ACCS: variants seen among roughly 807,000 people sequenced by gnomAD.
ACCS encodes the protein 1-aminocyclopropane-1-carboxylate synthase-like protein 1.
A neutral mutation model predicts 59.8 loss-of-function variants in ACCS; 42 were observed. The observed-to-expected ratio is 0.70, with a 90% CI of 0.55 to 0.91. The LOEUF (loss-of-function observed/expected upper bound fraction) is 0.91, where lower values mean the gene tolerates loss of function less well. ACCS is among the 40% of genes least tolerant of loss of function. ACCS has a pLI of 0.00. For missense variants in ACCS, 602 were observed against 630.4 expected (o/e 0.95, Z 0.48); for synonymous variants, 230 against 240.3 (o/e 0.96, Z 0.40).
rs546146853 is a variant in ACCS at position 44,083,847 on chromosome 11, T to C, written c.*55T>C. ...CAGCAGCCACTGTGGACCTGGGGCGTTCTGGGGCTGCAGAAGACTGACTGT... is the reference window on the plus strand; with the variant it reads ...CAGCAGCCACTGTGGACCTGGGGCGCTCTGGGGCTGCAGAAGACTGACTGT... On this transcript the variant is annotated 3_prime_UTR_variant, in exon 15 of 15. Transcript: ENST00000263776. The C allele has an allele frequency of 5.1e-6, 8 of 1,554,038 alleles. No homozygotes were observed. The East Asian group carries it at 1.7e-4, about 33-fold the overall frequency.
chr11:44,071,115 G>A, intron 2 of ACCS, 141 bp from the exon 3 acceptor site: 1 of 840,000 alleles, frequency 1.2e-6, no homozygotes, highest in Non-Finnish European at 2.0e-6. Flanking sequence ...GGCACACCTT[G>A]AGCAAAGGCA....
intron 11 of ACCS, 56 bp from the exon 12 acceptor site, chr11:44,081,123 G>A: frequency 6.2e-7 from 1 of 1,614,202 alleles, no homozygotes; most frequent in Admixed American, 1.7e-5. Flanking sequence ...AGAGGTGGGT[G>A]GAACCAGCTT....
intron 6 of ACCS, 128 bp downstream of exon 6, chr11:44,075,720 G>C: frequency 8.8e-7 from 1 of 1,137,710 alleles, no homozygotes; most frequent in Non-Finnish European, 1.2e-6. Context: ...ACTGCAGGGG[G>C]CTTGAATAAG....
In ACCS at chr11:44,071,293, G is replaced by A. The variant is rs923602239; in HGVS notation, c.326G>A (p.Cys109Tyr). The change falls in exon 3 of 15, where the codon TGC becomes TAC. Residue 109 changes from cysteine (C) to tyrosine (Y), a missense_variant. By Grantham distance (194) the Cys-to-Tyr change is radical. Coordinates refer to ENST00000263776, the MANE Select transcript of ACCS (RefSeq NM_032592.4). ...INLGTSENKL[C>Y]FDLLSWRLSQ... ...TTGGGCACCAGTGAGAACAAACTCT[G>A]CTTTGACCTGCTGTCCTGGCGGGTA... 1.2e-6 allele frequency: 2 copies of A among 1,614,074 alleles called. No individual in the cohort carries two copies. Among genetic ancestry groups the A allele is most frequent in the South Asian group, 2.2e-5 (2 of 91,072 alleles).
At position 44,081,317 on chromosome 11, in the gene ACCS, CGTGGTGACT is replaced by C; in HGVS notation, c.1110_1111+7del. ...CCAGATGGCACAGCTGCTCCGGGAC[CGTGGTGACT>C]GCCTGGGCCTGGTGACCTGAAAATG... On this transcript the variant is annotated splice_donor_variant and splice_donor_5th_base_variant and coding_sequence_variant and intron_variant, in exon 12 of 15. Coordinates refer to ENST00000263776, the MANE Select transcript of ACCS (RefSeq NM_032592.4). LOFTEE classifies it high-confidence loss of function. 6.2e-7 allele frequency: 1 copy of C among 1,613,596 alleles called. No homozygotes were observed. The highest frequency in any genetic ancestry group is 1.1e-5 in the South Asian group (1 of 91,062).
At chr11:44,071,565 C>T in intron 3 of ACCS, 2 of 442,946 alleles carry the variant, frequency 4.5e-6, no homozygotes, top group Non-Finnish European at 8.1e-6. Flanking sequence ...GTTGGGTCCC[C>T]TGATCTCAGA....
intron 3 of ACCS, chr11:44,072,154 T>TTATTTATTTATTTATG (rs1455864795): frequency 3.5e-4 from 53 of 151,434 alleles, no homozygotes; most frequent in Non-Finnish European, 6.6e-4. Flanking sequence ...TAGATTTTAT[T>TTATTTATTTATTTATG]TATTTATTTA....
chr11:44,081,649 A>C (rs1033694952), intron 12 of ACCS, among the ~76,000 whole-genome samples: 1 of 152,246 alleles, frequency 6.6e-6, no homozygotes, highest in African/African-American at 2.4e-5. Flanking sequence ...ATGTGAATTC[A>C]TTATGACTAG....
Position 44,077,815 on chromosome 11 carries a change from G to T in ACCS, c.655-30G>T, listed in dbSNP as rs778339991. ...TTGGGGGGCAATGGTCACTGAATGTGGCTGGTGGCTCTGATGGGTCTTTTT... is the reference window on the plus strand; with the variant it reads ...TTGGGGGGCAATGGTCACTGAATGTTGCTGGTGGCTCTGATGGGTCTTTTT... On this transcript the variant is annotated intron_variant, in intron 7 of 14. Coordinates refer to ENST00000263776, the MANE Select transcript of ACCS (RefSeq NM_032592.4). 11 of 1,609,284 alleles carry T rather than the reference G, an allele frequency of 6.8e-6. No homozygotes were observed. The East Asian group carries it at 2.2e-4, about 33-fold the overall frequency.
At chr11:44,080,890 G>A (rs949966372) in intron 10 of ACCS, 130 bp from the exon 11 acceptor site, 11 of 1,187,170 alleles carry the variant, frequency 9.3e-6, no homozygotes, top group Non-Finnish European at 1.3e-5. Context: ...GTGGTTCAAA[G>A]ACATGAAACC....
At chr11:44,076,574 C>T (rs1953370202) in intron 6 of ACCS, among the ~76,000 whole-genome samples, 1 of 152,212 alleles carries the variant, frequency 6.6e-6, no homozygotes, top group Non-Finnish European at 1.5e-5. Context: ...ACCCTCTAAG[C>T]TTCAGTTTCC....
chr11:44,071,465 T>G (rs536843880), intron 3 of ACCS, 150 bp downstream of exon 3: 35 of 745,428 alleles, frequency 4.7e-5, no homozygotes, highest in Non-Finnish European at 7.1e-5. Flanking sequence ...TGGGACAGTT[T>G]TCTGTGTGAT....
At chr11:44,081,641 G>A (rs186057963) in intron 12 of ACCS, among the ~76,000 whole-genome samples, 6 of 152,302 alleles carry the variant, frequency 3.9e-5, no homozygotes, top group African/African-American at 1.4e-4. Context: ...CTTGATTAAT[G>A]TGAATTCATT....
chr11:44,081,395 A>G, intron 12 of ACCS, 75 bp downstream of exon 12: 3 of 1,575,926 alleles, frequency 1.9e-6, no homozygotes, highest in Non-Finnish European at 2.6e-6. Context: ...GGAATCATAG[A>G]TACTTCTCCT....
chr11:44,073,468 A>C lies in ACCS; in HGVS notation c.370A>C (p.Arg124=), dbSNP rs763344611. ...SWRLSQRDMQ[R]VEPSLLQYAD... The stretch of plus-strand genomic sequence containing the variant: ...CCAGCTGAGTCAGCGCGACATGCAG[A>C]GGGTGGAGCCATCCCTGCTGCAGTA... The change falls in exon 4 of 15, where the codon AGG becomes CGG. Residue 124 remains arginine, a synonymous_variant. Coordinates refer to ENST00000263776, the MANE Select transcript of ACCS (RefSeq NM_032592.4). 4 of 1,609,080 alleles carry C rather than the reference A, an allele frequency of 2.5e-6. No homozygotes were observed. The highest frequency in any genetic ancestry group is 3.4e-5 in the Admixed American group (2 of 59,600).
rs1315621233 is a variant in ACCS, at chr11:44,077,832, G to A, written c.655-13G>A. 1 of 1,612,540 alleles carries A rather than the reference G, an allele frequency of 6.2e-7. No homozygotes were observed. Among genetic ancestry groups the A allele is most frequent in the Admixed American group, 1.7e-5 (1 of 59,806 alleles). Reference sequence around the variant, plus strand: ...CTGAATGTGGCTGGTGGCTCTGATGGGTCTTTTTCCAGGTCACTGGGCTAG... The same window carrying A: ...CTGAATGTGGCTGGTGGCTCTGATGAGTCTTTTTCCAGGTCACTGGGCTAG... On this transcript the variant is annotated splice_polypyrimidine_tract_variant and intron_variant, in intron 7 of 14. Transcript: ENST00000263776.
chr11:44,083,040 A>G (rs1953709960), intron 12 of ACCS, 129 bp from the exon 13 acceptor site: 1 of 1,219,434 alleles, frequency 8.2e-7, no homozygotes, highest in Non-Finnish European at 1.2e-6. Context: ...CCACCACAGC[A>G]GCCAGCTAGA....
intron 5 of ACCS, 82 bp downstream of exon 5, chr11:44,074,763 TC>T (rs1953254466): frequency 4.2e-4 from 201 of 477,572 alleles, no homozygotes; most frequent in Non-Finnish European, 5.8e-4. Flanking sequence ...TTTCTTTCTT[TC>T]TTTCTTTCTT....
intron 8 of ACCS, chr11:44,078,370 T>A: frequency 3.3e-6 from 1 of 305,812 alleles, no homozygotes; most frequent in Non-Finnish European, 5.9e-6. Flanking sequence ...TCTACTTAAT[T>A]TTTTTTTACT....
Sources: gnomAD v4.1 joint callset for allele counts (sites outside exome capture counted in the v4.1 genomes callset) on GRCh38, gnomAD v4.1.1 for gene constraint, MANE v1.5 for transcripts, NCBI Gene and HGNC (gene_info 2026-07-23, HGNC 2026-07-21) for gene names.